Variants in SLC25A39 observed in about 807,000 individuals in gnomAD.
SLC25A39 encodes solute carrier family 25 member 39.
Under a neutral mutation model 46.6 loss-of-function variants are expected in SLC25A39, and 44 were observed. The observed-to-expected ratio is 0.94, with a 90% CI of 0.74 to 1.21. The LOEUF (loss-of-function observed/expected upper bound fraction) is 1.21. Among genes scored for constraint, SLC25A39 ranks in the 50% most tolerant of loss-of-function variants. The pLI, the probability that SLC25A39 is intolerant of heterozygous loss-of-function variation, is 0.00. For synonymous variants in SLC25A39, 218 were observed against 190.6 expected, an observed-to-expected ratio of 1.14 and a Z score of -1.19; for missense variants, 487 against 473.0, an observed-to-expected ratio of 1.03 and a Z score of -0.28.
Position 44,319,903 on chromosome 17 carries a change from C to T in SLC25A39, c.*98G>A. On this transcript the variant is annotated 3_prime_UTR_variant, in exon 12 of 12. Transcript: ENST00000377095. ...GTCGCCGGGAGGGAAGGGAAACAAG[C>T]CCCCTCCCTCAGTGCTGAGGAAAAG... The T allele has an allele frequency of 2.6e-6, 3 of 1,168,242 alleles. No homozygotes were observed. Among genetic ancestry groups the T allele is most frequent in the Non-Finnish European group, 2.5e-6 (2 of 803,468 alleles). 72.4% of individuals were successfully genotyped at this position (1,168,242 alleles called of 1,614,324 possible).
chr17:44,320,599 C>G, intron 9 of SLC25A39, 23 bp downstream of exon 9: 1 of 1,604,066 alleles, frequency 6.2e-7, no homozygotes, highest in Non-Finnish European at 8.5e-7. Context: ...CCGCTGGCCT[C>G]ACCTCCAGCC....
Position 44,323,536 on chromosome 17 carries a change from G to A in SLC25A39, c.27C>T (p.Ile9=). 1 of 1,579,214 alleles carries A rather than the reference G, an allele frequency of 6.3e-7. No homozygotes were observed. Among genetic ancestry groups the A allele is most frequent in the East Asian group, 2.3e-5 (1 of 43,024 alleles). Residue 9 remains isoleucine (I), a synonymous_variant, in exon 2 of 12, where the codon ATC becomes ATT. Coordinates refer to ENST00000377095, the MANE Select transcript of SLC25A39 (RefSeq NM_001143780.3). MADQDPAG[I]SPLQQMVASG... is the part of the protein sequence containing the mutation. ...AGGCCACCATTTGCTGGAGGGGGCTGATGCCCGCAGGGTCCTGGTCAGCCA... is the reference window on the plus strand; with the variant it reads ...AGGCCACCATTTGCTGGAGGGGGCTAATGCCCGCAGGGTCCTGGTCAGCCA...
Position 44,320,060 on chromosome 17 carries a change from A to C in SLC25A39, c.1021T>G (p.Tyr341Asp). The C allele has an allele frequency of 6.2e-7, 1 of 1,613,994 alleles. No homozygotes were observed. The highest frequency in any genetic ancestry group is 8.5e-7 in the Non-Finnish European group (1 of 1,180,002). ...APSCAIMIST[Y>D]EFGKSFFQRL... ...TGGAAGAAGCTTTTGCCGAACTCAT[A>C]GGTGCTGATCATGATGGCACAGGAG... The change falls in exon 12 of 12, where the codon TAT becomes GAT. Residue 341 changes from tyrosine (Y) to aspartate (D), a missense_variant. Physicochemically the swap from Tyr to Asp is radical, Grantham distance 160. Transcript: ENST00000377095.
Position 44,320,665 on chromosome 17 carries a change from G to A in SLC25A39, c.758C>T (p.Thr253Ile). The A allele has an allele frequency of 6.2e-7, 1 of 1,614,176 alleles. No individual in the cohort carries two copies. Among genetic ancestry groups the A allele is most frequent in the Non-Finnish European group, 8.5e-7 (1 of 1,180,042 alleles). Reference sequence around the variant, plus strand: ...AGCCACAAAGCTCATGCCCACAGAAGTCTGGTCCTTCGGCCTGAACCCATT... The same window carrying A: ...AGCCACAAAGCTCATGCCCACAGAAATCTGGTCCTTCGGCCTGAACCCATT... ...WLNGFRPKDQ[T>I]SVGMSFVAGG... is the part of the protein sequence containing the mutation. Residue 253 changes from threonine to isoleucine, a missense_variant, in exon 9 of 12, where the codon ACT (threonine) becomes ATT (isoleucine). Physicochemically the swap from Thr to Ile is moderately conservative, Grantham distance 89. Transcript: ENST00000377095.
chr17:44,321,898 A>C lies in SLC25A39; in HGVS notation c.325-131T>G, dbSNP rs141557780. 7.1e-5 allele frequency: 62 copies of C among 868,958 alleles called. No homozygotes were observed. In the African/African-American group the frequency reaches 8.3e-4, roughly 12 times the overall value. 53.8% of individuals were successfully genotyped at this position (868,958 alleles called of 1,614,324 possible). On this transcript the variant is annotated intron_variant, in intron 5 of 11. Coordinates refer to ENST00000377095, the MANE Select transcript of SLC25A39 (RefSeq NM_001143780.3). ...ACAGCCCTCAGGCCTCCCTGCCTCT[A>C]CACATGCAGTACCCCAGCAGCTGGG... is the stretch of plus-strand genomic sequence containing the variant.
chr17:44,323,456 C>T (rs1256187596), intron 2 of SLC25A39, 22 bp downstream of exon 2: 7 of 1,514,608 alleles, frequency 4.6e-6, no homozygotes, highest in African/African-American at 2.8e-5. Flanking sequence ...CCCGCCCCCA[C>T]CCCACCTCCC....
In SLC25A39 at chr17:44,320,210, T is replaced by C. The variant is rs200960770; in HGVS notation, c.950A>G (p.Lys317Arg). The part of the protein sequence containing the change: ...LRRIRAESGT[K>R]GLFAGFLPRI... The stretch of plus-strand genomic sequence containing the variant: ...CACACACTGACCTGCAAAGAGTCCC[T>C]TGGTGCCCGACTCGGCCCGGATCCT... Residue 317 changes from lysine (K) to arginine (R), a missense_variant, in exon 11 of 12, where the codon AAG becomes AGG. Coordinates refer to ENST00000377095, the MANE Select transcript of SLC25A39 (RefSeq NM_001143780.3). 3.7e-6 allele frequency: 6 copies of C among 1,613,878 alleles called. No homozygotes were observed. In the African/African-American group the frequency reaches 6.7e-5, roughly 18 times the overall value.
At chr17:44,322,690 A>C (rs980916151) in intron 4 of SLC25A39, 118 bp downstream of exon 4, 1 of 1,559,410 alleles carries the variant, frequency 6.4e-7, no homozygotes, top group Non-Finnish European at 8.7e-7. Context: ...ACTGGCTGGC[A>C]GGACCTGGGA....
Position 44,320,445 on chromosome 17 carries a change from G to C in SLC25A39, c.802-9C>G, listed in dbSNP as rs1395986686. On this transcript the variant is annotated splice_polypyrimidine_tract_variant and intron_variant, in intron 9 of 11. Coordinates refer to ENST00000377095, the MANE Select transcript of SLC25A39 (RefSeq NM_001143780.3). ...GTCAGCACTGCAGCCACCTGGTGGGGTGGGCGGGGAGAGGGCTCAGCTCCA... is the reference window on the plus strand; with the variant it reads ...GTCAGCACTGCAGCCACCTGGTGGGCTGGGCGGGGAGAGGGCTCAGCTCCA... The C allele has an allele frequency of 1.2e-6, 2 of 1,613,476 alleles. No homozygotes were observed. The highest frequency in any genetic ancestry group is 1.7e-4 in the Middle Eastern group (1 of 6,056).
At position 44,321,785 on chromosome 17, in the gene SLC25A39, A is replaced by G. The variant is rs1389147744; in HGVS notation, c.325-18T>C. On this transcript the variant is annotated intron_variant, in intron 5 of 11. Transcript: ENST00000377095. The stretch of plus-strand genomic sequence containing the variant: ...AAGGCATCCTGGCCAAGCAGGCACC[A>G]GCCCAGGGGAAGAGGAGGGACACAA... 1 of 1,606,746 alleles carries G rather than the reference A, an allele frequency of 6.2e-7. No homozygotes were observed. The highest frequency in any genetic ancestry group is 1.1e-5 in the South Asian group (1 of 90,374).
chr17:44,322,558 GA>G lies in SLC25A39; in HGVS notation c.191-7del, dbSNP rs751878165. ...GGATTGGAGAGAGGAGGGCACTGGG[GA>G]AAGGCAGGGGGCATTATAATGACAG... On this transcript the variant is annotated splice_region_variant and splice_polypyrimidine_tract_variant and intron_variant, in intron 4 of 11. Coordinates refer to ENST00000377095, the MANE Select transcript of SLC25A39 (RefSeq NM_001143780.3). 2 of 1,613,790 alleles carry G rather than the reference GA, an allele frequency of 1.2e-6. No individual in the cohort carries two copies. The highest frequency in any genetic ancestry group is 2.7e-5 in the African/African-American group (2 of 75,042).
rs1370551990 is a variant in SLC25A39, at chr17:44,319,994, G to C, written c.*7C>G. 1.2e-6 allele frequency: 2 copies of C among 1,613,352 alleles called. No individual in the cohort carries two copies. Among genetic ancestry groups the C allele is most frequent in the Admixed American group, 3.3e-5 (2 of 59,988 alleles). On this transcript the variant is annotated 3_prime_UTR_variant, in exon 12 of 12. Transcript: ENST00000377095. ...GGAGAGACGGGGTCCTTGCCTCCTT[G>C]CCCCTTTCAGCCGCCCAGAAGCCGG...
Position 44,323,566 on chromosome 17 carries a change from G to A in SLC25A39, c.-4C>T. The A allele has an allele frequency of 6.4e-7, 1 of 1,566,188 alleles. No homozygotes were observed. The highest frequency in any genetic ancestry group is 8.7e-7 in the Non-Finnish European group (1 of 1,155,720). On this transcript the variant is annotated 5_prime_UTR_variant, in exon 2 of 12. Transcript: ENST00000377095. ...CCGCAGGGTCCTGGTCAGCCATCTT[G>A]AAGCTTCAGTCCTGAAAACCAAACC...
In SLC25A39 at chr17:44,322,787, C is replaced by T. The variant is rs892365814; in HGVS notation, c.190+21G>A. The T allele has an allele frequency of 4.3e-6, 7 of 1,613,976 alleles. No individual in the cohort carries two copies. The East Asian group carries it at 1.6e-4, about 36-fold the overall frequency. Reference sequence around the variant, plus strand: ...CTCCCCCTTGCACCCTCCCATGCTCCCTGTGGCTTGGGGCACTCACATTTG... The same window carrying T: ...CTCCCCCTTGCACCCTCCCATGCTCTCTGTGGCTTGGGGCACTCACATTTG... On this transcript the variant is annotated intron_variant, in intron 4 of 11. Coordinates refer to ENST00000377095, the MANE Select transcript of SLC25A39 (RefSeq NM_001143780.3).
At chr17:44,323,745 G>C (rs529729482) in intron 1 of SLC25A39, 168 bp from the exon 2 acceptor site, 2 of 591,946 alleles carry the variant, frequency 3.4e-6, no homozygotes, top group Non-Finnish European at 6.0e-6. Flanking sequence ...CCGTTCAAGC[G>C]GTTCTCTTGC....
intron 1 of SLC25A39, chr17:44,324,142 T>G (rs971069915): frequency 6.5e-6 from 1 of 154,586 alleles, no homozygotes; most frequent in South Asian, 1.9e-4. Context: ...ATCGCTCGAA[T>G]GCAGTAGGAG....
chr17:44,322,752 C>G, intron 4 of SLC25A39, 56 bp downstream of exon 4: 1 of 1,612,468 alleles, frequency 6.2e-7, no homozygotes, highest in African/African-American at 1.3e-5. Flanking sequence ...GGGACAGGGA[C>G]AAGGACTGTC....
At chr17:44,322,891 C>T (rs1267890983) in intron 3 of SLC25A39, 39 bp from the exon 4 acceptor site, 12 of 1,609,430 alleles carry the variant, frequency 7.5e-6, no homozygotes, top group Non-Finnish European at 1.0e-5. Flanking sequence ...GGAGAGCCCC[C>T]ACCCGCCCTA....
intron 6 of SLC25A39, 44 bp from the exon 7 acceptor site, chr17:44,321,602 C>T: frequency 6.2e-7 from 1 of 1,611,020 alleles, no homozygotes; most frequent in Non-Finnish European, 8.5e-7. Flanking sequence ...CAAAAGGACC[C>T]AAACTTTTAA....
Sources: gnomAD v4.1 joint callset for allele counts on GRCh38, gnomAD v4.1.1 for gene constraint, MANE v1.5 for transcripts, NCBI Gene and HGNC (gene_info 2026-07-23, HGNC 2026-07-21) for gene names.